RBM6: variants seen among roughly 807,000 people sequenced by gnomAD.
The protein encoded by RBM6 is RNA binding motif protein 6.
RBM6 carries 23 observed loss-of-function variants against 140.4 expected under a neutral mutation model. The ratio of observed to expected loss-of-function variants is 0.16; its 90% CI spans 0.12 to 0.23. The LOEUF is 0.23. RBM6 is among the 10% of genes least tolerant of loss of function. RBM6 has a pLI of 1.00. For missense variants in RBM6, 1,139 were observed against 1,386.7 expected (o/e 0.82, Z 2.84); for synonymous variants, 439 against 475.6 (o/e 0.92, Z 1.00).
intron 6 of RBM6, among the ~76,000 whole-genome samples, chr3:50,022,276 A>G (rs554858319): frequency 6.6e-6 from 1 of 151,848 alleles, no homozygotes. Flanking sequence ...GAAATATTTA[A>G]TAATTTTTTT....
At chr3:50,001,448 G>A (rs1442993175) in intron 6 of RBM6, among the ~76,000 whole-genome samples, 6 of 152,046 alleles carry the variant, frequency 3.9e-5, no homozygotes, top group East Asian at 1.9e-4. Context: ...GTGAGACCCC[G>A]TCTCAAAAAA....
At chr3:49,969,850 C>A (rs1204853102) in intron 3 of RBM6, among the ~76,000 whole-genome samples, 1 of 152,018 alleles carries the variant, frequency 6.6e-6, no homozygotes, top group Non-Finnish European at 1.5e-5. Context: ...CTCACTGCAA[C>A]CTCTACCTCC....
At chr3:50,053,896 G>C (rs182520950) in intron 7 of RBM6, 1 of 155,744 alleles carries the variant, frequency 6.4e-6, no homozygotes, top group Non-Finnish European at 1.4e-5. Flanking sequence ...CTCCTACCTT[G>C]TACCTCATTA....
At chr3:49,945,291 C>T (rs1360002050) in intron 1 of RBM6, among the ~76,000 whole-genome samples, 1 of 151,810 alleles carries the variant, frequency 6.6e-6, no homozygotes, top group East Asian at 1.9e-4. Flanking sequence ...TATCCTCTCA[C>T]CTCACCCTCT....
At chr3:50,037,414 CAG>C (rs1259280408) in intron 6 of RBM6, among the ~76,000 whole-genome samples, 1 of 152,026 alleles carries the variant, frequency 6.6e-6, no homozygotes, top group Non-Finnish European at 1.5e-5. Flanking sequence ...TCAAAAAAAG[CAG>C]GGGGGCATAG....
At chr3:50,019,482 T>C (rs1434628040) in intron 6 of RBM6, among the ~76,000 whole-genome samples, 2 of 152,178 alleles carry the variant, frequency 1.3e-5, no homozygotes, top group Non-Finnish European at 1.5e-5. Context: ...CTTTCTCTTC[T>C]TTTCTCTCCT....
chr3:50,069,278 T>A (rs1011382261), intron 18 of RBM6, among the ~76,000 whole-genome samples: 3 of 152,104 alleles, frequency 2.0e-5, no homozygotes, highest in African/African-American at 4.8e-5. Context: ...TTTGGGAGGC[T>A]GAGACGGGCG....
At chr3:50,022,782 A>G (rs2087571458) in intron 6 of RBM6, among the ~76,000 whole-genome samples, 1 of 152,100 alleles carries the variant, frequency 6.6e-6, no homozygotes, top group South Asian at 2.1e-4. Flanking sequence ...GTCTAGTCTT[A>G]AGGTAAATAT....
intron 5 of RBM6, among the ~76,000 whole-genome samples, chr3:49,986,991 C>T (rs1190290178): frequency 6.6e-6 from 1 of 152,082 alleles, no homozygotes; most frequent in East Asian, 1.9e-4. Context: ...GCCATGTTGC[C>T]CAGGCTGGTC....
chr3:50,013,018 C>T (rs562958776), intron 6 of RBM6, among the ~76,000 whole-genome samples: 2 of 152,192 alleles, frequency 1.3e-5, no homozygotes, highest in South Asian at 4.1e-4. Flanking sequence ...GCTGGGATTA[C>T]AGGCGTGAGC....
chr3:49,943,217 A>C (rs1244700673), intron 1 of RBM6, among the ~76,000 whole-genome samples: 2 of 152,210 alleles, frequency 1.3e-5, no homozygotes, highest in Admixed American at 6.6e-5. Flanking sequence ...GTGTACAAAT[A>C]TCTCTTTGAG....
intron 4 of RBM6, among the ~76,000 whole-genome samples, chr3:49,974,104 A>T (rs1467785917): frequency 1.3e-5 from 2 of 151,350 alleles, no homozygotes; most frequent in East Asian, 2.0e-4. Flanking sequence ...TCACCGTGTT[A>T]GCTAGGATGG....
At chr3:50,067,992 G>C (rs764940166) in intron 17 of RBM6, among the ~76,000 whole-genome samples, 26 of 152,172 alleles carry the variant, frequency 1.7e-4, no homozygotes, top group African/African-American at 6.3e-4. Context: ...GAAGTTGTGA[G>C]TTGTCAGACT....
intron 6 of RBM6, among the ~76,000 whole-genome samples, chr3:50,029,584 T>A (rs923494876): frequency 6.6e-6 from 1 of 151,818 alleles, no homozygotes; most frequent in Non-Finnish European, 1.5e-5. Flanking sequence ...AATACAAAAA[T>A]TAGCTGGGCG....
intron 6 of RBM6, among the ~76,000 whole-genome samples, chr3:50,035,051 A>G (rs28715897): frequency 3.4e-5 from 1 of 29,474 alleles, no homozygotes; most frequent in African/African-American, 1.3e-4. Context: ...CTCCTCCCCT[A>G]CTCCCCTCTC....
chr3:50,037,547 G>A (rs748372671), intron 6 of RBM6, among the ~76,000 whole-genome samples: 5 of 152,182 alleles, frequency 3.3e-5, no homozygotes, highest in East Asian at 1.9e-4. Context: ...CTTTGAGGAC[G>A]TTACAGGCAG....
intron 5 of RBM6, among the ~76,000 whole-genome samples, chr3:49,995,384 C>T (rs779381135): frequency 4.6e-5 from 7 of 152,044 alleles, no homozygotes; most frequent in South Asian, 4.2e-4. Flanking sequence ...GGCGAAACTC[C>T]GTCTCTACTG....
At chr3:49,966,695 A>G (rs2084531682) in intron 2 of RBM6, among the ~76,000 whole-genome samples, 1 of 152,216 alleles carries the variant, frequency 6.6e-6, no homozygotes, top group African/African-American at 2.4e-5. Flanking sequence ...CTATCTCAGC[A>G]TTGAGCCCCT....
intron 6 of RBM6, among the ~76,000 whole-genome samples, chr3:50,012,334 C>A (rs1363564345): frequency 6.6e-6 from 1 of 152,028 alleles, no homozygotes; most frequent in African/African-American, 2.4e-5. Flanking sequence ...AGGCATGAAC[C>A]ACCATGCCCA....
Sources: gnomAD v4.1 joint callset for allele counts (sites outside exome capture counted in the v4.1 genomes callset) on GRCh38, gnomAD v4.1.1 for gene constraint, MANE v1.5 for transcripts, NCBI Gene and HGNC (gene_info 2026-07-23, HGNC 2026-07-21) for gene names.